The following KCNQ3 variants were observed in gnomAD, a reference collection of about 807,000 sequenced individuals.
KCNQ3 encodes the protein potassium voltage-gated channel subfamily Q member 3.
In KCNQ3, 30 loss-of-function variants were observed where a neutral mutation model predicts 92.5. The ratio of observed to expected loss-of-function variants is 0.32; its 90% CI spans 0.24 to 0.44. KCNQ3 has a LOEUF of 0.44. Ranked by LOEUF, KCNQ3 falls within the 20% of genes least tolerant of loss-of-function variation. KCNQ3 has a pLI of 1.00. For missense variants in KCNQ3, 913 were observed against 1,140.3 expected (o/e 0.80, Z 2.87); for synonymous variants, 450 against 468.8 (o/e 0.96, Z 0.52).
At chr8:132,304,440 T>C (rs1179019168) in intron 1 of KCNQ3, among the ~76,000 whole-genome samples, 2 of 152,216 alleles carry the variant, frequency 1.3e-5, no homozygotes, top group African/African-American at 4.8e-5. Flanking sequence ...ATGGTCATCT[T>C]AACTTCTCCA....
chr8:132,356,643 C>T (rs901287163), intron 1 of KCNQ3, among the ~76,000 whole-genome samples: 1 of 152,192 alleles, frequency 6.6e-6, no homozygotes, highest in African/African-American at 2.4e-5. Flanking sequence ...CTGGCATCTA[C>T]GAGACCCCAT....
At chr8:132,158,178 T>A (rs1249223858) in intron 9 of KCNQ3, among the ~76,000 whole-genome samples, 1 of 152,168 alleles carries the variant, frequency 6.6e-6, no homozygotes, top group Non-Finnish European at 1.5e-5. Flanking sequence ...TACTAATAGC[T>A]ATGGGGTTGT....
intron 1 of KCNQ3, among the ~76,000 whole-genome samples, chr8:132,406,313 G>A (rs1820477848): frequency 6.6e-6 from 1 of 152,086 alleles, no homozygotes; most frequent in East Asian, 1.9e-4. Context: ...TCGGGAGGAT[G>A]GGCTGAAGCT....
intron 1 of KCNQ3, among the ~76,000 whole-genome samples, chr8:132,450,530 C>T (rs1288753582): frequency 6.6e-6 from 1 of 152,206 alleles, no homozygotes; most frequent in Non-Finnish European, 1.5e-5. Context: ...CTTCCCCCTC[C>T]CCCAGGAAAA....
intron 1 of KCNQ3, among the ~76,000 whole-genome samples, chr8:132,459,308 G>A (rs1822009690): frequency 6.6e-6 from 1 of 152,124 alleles, no homozygotes; most frequent in Non-Finnish European, 1.5e-5. Flanking sequence ...CCTAAGGCTG[G>A]GTAACTTATA....
intron 1 of KCNQ3, among the ~76,000 whole-genome samples, chr8:132,376,262 T>C (rs775398237): frequency 6.6e-6 from 1 of 152,226 alleles, no homozygotes; most frequent in Non-Finnish European, 1.5e-5. Context: ...ACTTCTGATA[T>C]TTCTCTTCTT....
At chr8:132,209,669 T>G (rs1158325000) in intron 1 of KCNQ3, among the ~76,000 whole-genome samples, 1 of 152,174 alleles carries the variant, frequency 6.6e-6, no homozygotes, top group Non-Finnish European at 1.5e-5. Flanking sequence ...AGTACAGTAT[T>G]CAATAACTTG....
intron 1 of KCNQ3, among the ~76,000 whole-genome samples, chr8:132,262,410 AAC>A (rs1815816997): frequency 6.6e-6 from 1 of 152,222 alleles, no homozygotes; most frequent in Admixed American, 6.5e-5. Context: ...AGATGTAAAA[AAC>A]AAATGTAAAG....
At chr8:132,195,887 T>C (rs969026382) in intron 1 of KCNQ3, among the ~76,000 whole-genome samples, 4 of 152,136 alleles carry the variant, frequency 2.6e-5, no homozygotes, top group South Asian at 2.1e-4. Flanking sequence ...GACTTTAAAA[T>C]GGACTTCAAG....
intron 1 of KCNQ3, among the ~76,000 whole-genome samples, chr8:132,245,228 G>A (rs931299463): frequency 3.3e-5 from 5 of 152,116 alleles, no homozygotes; most frequent in Non-Finnish European, 5.9e-5. Context: ...AGTTGTAAGG[G>A]TTCTCAGAGA....
At chr8:132,207,767 C>T (rs1178583196) in intron 1 of KCNQ3, among the ~76,000 whole-genome samples, 2 of 151,794 alleles carry the variant, frequency 1.3e-5, no homozygotes, top group African/African-American at 2.4e-5. Flanking sequence ...TTTTGAGAGC[C>T]AAACACATAG....
chr8:132,250,432 G>A (rs1043092419), intron 1 of KCNQ3, among the ~76,000 whole-genome samples: 1 of 152,184 alleles, frequency 6.6e-6, no homozygotes, highest in Non-Finnish European at 1.5e-5. Flanking sequence ...CATGTATTTA[G>A]CCCTAAGTTA....
chr8:132,159,581 G>A (rs1825921174), intron 9 of KCNQ3, among the ~76,000 whole-genome samples: 2 of 152,148 alleles, frequency 1.3e-5, no homozygotes, highest in Admixed American at 6.5e-5. Context: ...GAAGAGAGAG[G>A]AAATATATGT....
chr8:132,240,025 G>A (rs902986032), intron 1 of KCNQ3, among the ~76,000 whole-genome samples: 3 of 152,096 alleles, frequency 2.0e-5, no homozygotes, highest in African/African-American at 7.2e-5. Context: ...AAATGCTCTA[G>A]GTCTAAAGGA....
intron 12 of KCNQ3, among the ~76,000 whole-genome samples, 169 bp from the exon 13 acceptor site, chr8:132,134,557 GAGGAGA>G (rs1221409356): frequency 3.0e-5 from 2 of 65,606 alleles, no homozygotes; most frequent in Admixed American, 2.7e-4. Context: ...GAAGTGAGGA[GAGGAGA>G]GGGGAGGAGA....
At chr8:132,167,134 A>G (rs1172308027) in intron 8 of KCNQ3, among the ~76,000 whole-genome samples, 1 of 152,232 alleles carries the variant, frequency 6.6e-6, no homozygotes, top group Non-Finnish European at 1.5e-5. Context: ...CACAAATGAA[A>G]CTTGAAAACA....
At chr8:132,302,730 G>A (rs1299099238) in intron 1 of KCNQ3, among the ~76,000 whole-genome samples, 1 of 152,110 alleles carries the variant, frequency 6.6e-6, no homozygotes, top group African/African-American at 2.4e-5. Flanking sequence ...TCTCTCTCCT[G>A]CCCTGTTAAC....
intron 1 of KCNQ3, among the ~76,000 whole-genome samples, chr8:132,390,413 T>C (rs1820021366): frequency 6.6e-6 from 1 of 152,112 alleles, no homozygotes; most frequent in Non-Finnish European, 1.5e-5. Context: ...TTACAGTAAT[T>C]CAGCTGTACA....
intron 1 of KCNQ3, among the ~76,000 whole-genome samples, chr8:132,456,638 C>T (rs185068852): frequency 6.6e-6 from 1 of 151,452 alleles, no homozygotes; most frequent in East Asian, 1.9e-4. Context: ...GATGGAGTCT[C>T]ACTCTGTCGC....
Sources: gnomAD v4.1 joint callset for allele counts (sites outside exome capture counted in the v4.1 genomes callset) on GRCh38, gnomAD v4.1.1 for gene constraint, MANE v1.5 for transcripts, NCBI Gene and HGNC (gene_info 2026-07-23, HGNC 2026-07-21) for gene names.